The following XXYLT1 variants were observed in gnomAD, a reference collection of about 807,000 sequenced individuals.
XXYLT1 encodes UDP-xylose:alpha-xyloside alpha-1,3-xylosyltransferase.
In XXYLT1, 20 loss-of-function variants were observed where a neutral mutation model predicts 28.9. The observed-to-expected ratio is 0.69, with a 90% CI of 0.49 to 1.00. The LOEUF (loss-of-function observed/expected upper bound fraction) is 1.00, where lower values mean the gene tolerates loss of function less well. Ranked by LOEUF, XXYLT1 falls within the 50% of genes least tolerant of loss-of-function variation. The probability of loss-of-function intolerance (pLI) is 0.00; values close to 1 mark genes in which losing one functional copy is unlikely to be tolerated. For synonymous variants in XXYLT1, 257 were observed against 253.8 expected (o/e 1.01, Z -0.12); for missense variants, 542 against 560.1 (o/e 0.97, Z 0.33).
At chr3:195,163,563 T>C (rs1023270944) in intron 2 of XXYLT1, among the ~76,000 whole-genome samples, 1 of 152,216 alleles carries the variant, frequency 6.6e-6, no homozygotes, top group Non-Finnish European at 1.5e-5. Flanking sequence ...ACGTTCAAAA[T>C]ACATTCCCAG....
intron 3 of XXYLT1, among the ~76,000 whole-genome samples, chr3:195,099,397 C>T (rs536572718): frequency 6.6e-6 from 1 of 152,074 alleles, no homozygotes; most frequent in Non-Finnish European, 1.5e-5. Flanking sequence ...CAAACCAGCA[C>T]CACCATCTGG....
At chr3:195,084,485 A>G (rs1715614263) in intron 3 of XXYLT1, among the ~76,000 whole-genome samples, 1 of 152,196 alleles carries the variant, frequency 6.6e-6, no homozygotes, top group Non-Finnish European at 1.5e-5. Flanking sequence ...CACCCTCGCT[A>G]GGGCACCACA....
Position 195,076,301 on chromosome 3 carries a change from GTTCC to G in XXYLT1, c.786-6194_786-6191del, listed in dbSNP as rs1363582099. Among the ~76,000 whole-genome samples, 1 of 104,622 alleles carries G rather than the reference GTTCC, an allele frequency of 9.6e-6. No individual in the cohort carries two copies. Among genetic ancestry groups the G allele is most frequent in the Non-Finnish European group, 1.7e-5 (1 of 58,020 alleles). 68.6% of individuals were successfully genotyped at this position (104,622 alleles called of 152,430 possible). A position where few individuals can be genotyped will look rare whatever the true frequency, so the allele number is the denominator to read the frequency against. ...GTTACCACCCACCCCACACCCACCC[GTTCC>G]AGAGAGGAAGAAGCCCGCACGGGGT... On this transcript the variant is annotated intron_variant, in intron 3 of 3. Coordinates refer to ENST00000310380, the MANE Select transcript of XXYLT1 (RefSeq NM_152531.5). The surrounding 1 kb of genome is among the most constrained non-coding windows in gnomAD (Gnocchi z 5.3).
intron 1 of XXYLT1, among the ~76,000 whole-genome samples, chr3:195,233,645 A>G (rs1394704526): frequency 6.6e-6 from 1 of 151,964 alleles, no homozygotes; most frequent in Non-Finnish European, 1.5e-5. Context: ...AAACTAATAA[A>G]AACTCTATAA....
intron 3 of XXYLT1, among the ~76,000 whole-genome samples, chr3:195,139,345 C>T (rs1260266108): frequency 3.3e-5 from 5 of 152,108 alleles, no homozygotes; most frequent in Non-Finnish European, 7.3e-5. Context: ...TTCTAAGAGG[C>T]GGAAAATGAT....
chr3:195,110,301 G>GCT (rs1560100698), intron 3 of XXYLT1, among the ~76,000 whole-genome samples: 2 of 71,984 alleles, frequency 2.8e-5, no homozygotes, highest in African/African-American at 6.1e-5. Flanking sequence ...GTGCGTGTGT[G>GCT]GTATATGTGT....
At position 195,073,810 on chromosome 3, in the gene XXYLT1, C is replaced by CTAT. The variant is rs561514649; in HGVS notation, c.786-3702_786-3700dup. ...TATAACTTAATAATCATAAAAAAGA[C>CTAT]TATTAAAAGCTAGTCAACTAGTTTT... On this transcript the variant is annotated intron_variant, in intron 3 of 3. Coordinates refer to ENST00000310380, the MANE Select transcript of XXYLT1 (RefSeq NM_152531.5). Among the ~76,000 whole-genome samples, 15 of 152,236 alleles carry CTAT rather than the reference C, an allele frequency of 9.9e-5. No individual in the cohort carries two copies. In the South Asian group the frequency reaches 3.1e-3, roughly 32 times the overall value.
At chr3:195,134,872 T>C (rs199690044) in intron 3 of XXYLT1, among the ~76,000 whole-genome samples, 12,648 of 88,470 alleles carry the variant, frequency 0.14, 964 homozygotes, top group East Asian at 0.37. Flanking sequence ...TGTGTGTGCG[T>C]GTGCGCGCGT....
rs1466769480 is a variant in XXYLT1, at chr3:195,270,787, C to A, written c.272G>T (p.Gly91Val). ...APGAKAKSLE[G>V]GGAGPVDYHL... ...GTAGTCCACCGGCCCGGCACCGCCG[C>A]CCTCCAAGCTCTTGGCCTTCGCGCC... The change falls in exon 1 of 4, where the codon GGC becomes GTC. Residue 91 changes from glycine (G) to valine (V), a missense_variant. Coordinates refer to ENST00000310380, the MANE Select transcript of XXYLT1 (RefSeq NM_152531.5). The A allele has an allele frequency of 1.3e-6, 2 of 1,567,324 alleles. No homozygotes were observed. Among genetic ancestry groups the A allele is most frequent in the South Asian group, 2.3e-5 (2 of 86,128 alleles).
At chr3:195,188,353 A>T (rs1424651344) in intron 2 of XXYLT1, among the ~76,000 whole-genome samples, 6 of 152,200 alleles carry the variant, frequency 3.9e-5, no homozygotes, top group Non-Finnish European at 2.9e-5. Flanking sequence ...CATAAGACAC[A>T]CCCACTAATG....
At chr3:195,204,446 ACACACG>A (rs1401225651) in intron 2 of XXYLT1, among the ~76,000 whole-genome samples, 7 of 151,276 alleles carry the variant, frequency 4.6e-5, no homozygotes, top group Non-Finnish European at 8.8e-5. Context: ...TCCCTGACAC[ACACACG>A]CACACACACA....
Position 195,168,594 on chromosome 3 carries a change from CT to C in XXYLT1, c.653-12014del, listed in dbSNP as rs1195796208. Among the ~76,000 whole-genome samples the C allele has an allele frequency of 1.3e-5, 2 of 152,210 alleles. No homozygotes were observed. Among genetic ancestry groups the C allele is most frequent in the South Asian group, 2.1e-4 (1 of 4,832 alleles). ...GGGCAGGCCCTGCTGAGAGAGGGCC[CT>C]GCCTATGAAGGAGAACCAGAGACTG... On this transcript the variant is annotated intron_variant, in intron 2 of 3. Coordinates refer to ENST00000310380, the MANE Select transcript of XXYLT1 (RefSeq NM_152531.5). The surrounding 1 kb of genome is among the most constrained non-coding windows in gnomAD (Gnocchi z 4.3).
rs1186199646 is a variant in XXYLT1 at position 195,076,365 on chromosome 3, G to C, written c.786-6254C>G. Among the ~76,000 whole-genome samples the C allele has an allele frequency of 6.6e-6, 1 of 150,534 alleles. No individual in the cohort carries two copies. The highest frequency in any genetic ancestry group is 2.4e-5 in the African/African-American group (1 of 41,038). ...GACTGCGGCACAGACATTGGAACTC[G>C]ACCGCGCGTGTTCCCGGAGTCTGAG... On this transcript the variant is annotated intron_variant, in intron 3 of 3. Coordinates refer to ENST00000310380, the MANE Select transcript of XXYLT1 (RefSeq NM_152531.5). This position sits in a 1 kb window ranked among gnomAD's most constrained non-coding sequence, Gnocchi z 5.3.
At chr3:195,143,847 TATATATAG>T (rs1560117181) in intron 3 of XXYLT1, among the ~76,000 whole-genome samples, 4 of 71,348 alleles carry the variant, frequency 5.6e-5, no homozygotes, top group East Asian at 7.1e-4. Context: ...GATATAGATA[TATATATAG>T]ATATATATAG....
chr3:195,192,727 C>T (rs1317957531), intron 2 of XXYLT1, among the ~76,000 whole-genome samples: 3 of 152,118 alleles, frequency 2.0e-5, no homozygotes, highest in Admixed American at 1.3e-4. Context: ...TCTGCTATTG[C>T]CATTTCTATT....
chr3:195,192,733 C>G (rs1164880538), intron 2 of XXYLT1, among the ~76,000 whole-genome samples: 1 of 152,166 alleles, frequency 6.6e-6, no homozygotes, highest in Non-Finnish European at 1.5e-5. Flanking sequence ...ATTGCCATTT[C>G]TATTCTACAC....
intron 2 of XXYLT1, among the ~76,000 whole-genome samples, chr3:195,211,724 C>G (rs1382196631): frequency 6.6e-6 from 1 of 152,230 alleles, no homozygotes; most frequent in Non-Finnish European, 1.5e-5. Flanking sequence ...CAGGGCCCTT[C>G]ATCACAGAAG....
At chr3:195,193,203 G>A (rs577585042) in intron 2 of XXYLT1, among the ~76,000 whole-genome samples, 7 of 151,336 alleles carry the variant, frequency 4.6e-5, no homozygotes, top group East Asian at 1.9e-4. Flanking sequence ...CAAGAGAATC[G>A]CTTGAACCCG....
intron 3 of XXYLT1, among the ~76,000 whole-genome samples, chr3:195,122,874 CTG>C (rs1178107561): frequency 6.6e-6 from 1 of 152,182 alleles, no homozygotes; most frequent in Admixed American, 6.5e-5. Flanking sequence ...AAGAAGGACA[CTG>C]AGCCCTCTGT....
Sources: gnomAD v4.1 joint callset for allele counts (sites outside exome capture counted in the v4.1 genomes callset) on GRCh38, gnomAD v4.1.1 for gene constraint, Gnocchi (gnomAD v3.1) non-coding constraint, MANE v1.5 for transcripts, NCBI Gene and HGNC (gene_info 2026-07-23, HGNC 2026-07-21) for gene names.